Variants in FRMPD3 observed in about 807,000 individuals in gnomAD.
FRMPD3 encodes FERM and PDZ domain containing 3, also known as FERM and PDZ domain-containing protein 3.
Under a neutral mutation model 97.9 loss-of-function variants are expected in FRMPD3, and 42 were observed. The observed-to-expected ratio is 0.43, with a 90% CI of 0.34 to 0.55. The LOEUF is 0.55. FRMPD3 is among the 20% of genes least tolerant of loss of function. The pLI is 0.03. For missense variants in FRMPD3, 1,303 were observed against 1,457.7 expected, an observed-to-expected ratio of 0.89 and a Z score of 1.73; for synonymous variants, 577 against 581.1, an observed-to-expected ratio of 0.99 and a Z score of 0.10.
chrX:107,472,517 C>T, intron 1 of FRMPD3, among the ~76,000 whole-genome samples: 1 of 101,194 alleles, frequency 9.9e-6, no homozygotes, highest in South Asian at 4.6e-4. Context: ...TTGGAGGCTC[C>T]CATAAAAAAA....
chrX:107,526,884 T>C, intron 2 of FRMPD3, 148 bp downstream of exon 2: 1 of 582,237 alleles, frequency 1.7e-6, no homozygotes, highest in Non-Finnish European at 2.6e-6. Flanking sequence ...CCAATAACTG[T>C]GTGAGGGAGC....
intron 4 of FRMPD3, among the ~76,000 whole-genome samples, chrX:107,538,061 CG>C (rs1569418517): frequency 9.0e-6 from 1 of 111,471 alleles, no homozygotes; most frequent in African/African-American, 3.3e-5. Flanking sequence ...GCCAGTTGGA[CG>C]GGGTTTGAAT....
intron 1 of FRMPD3, among the ~76,000 whole-genome samples, chrX:107,498,003 C>G (rs959903307): frequency 1.2e-4 from 13 of 111,570 alleles, no homozygotes; most frequent in African/African-American, 2.9e-4. Context: ...TACCTGGCTC[C>G]CCTAGCATAC....
At chrX:107,506,872 G>C (rs1367768408) in intron 1 of FRMPD3, among the ~76,000 whole-genome samples, 1 of 112,000 alleles carries the variant, frequency 8.9e-6, no homozygotes, top group Admixed American at 9.3e-5. Flanking sequence ...GGTTTCTAAG[G>C]TGTCTTCCTA....
intron 1 of FRMPD3, among the ~76,000 whole-genome samples, chrX:107,494,964 G>A (rs1178695360): frequency 1.8e-5 from 2 of 112,191 alleles, no homozygotes; most frequent in Non-Finnish European, 3.8e-5. Context: ...ATGCACATTT[G>A]CCTCATAATT....
chrX:107,473,136 A>G (rs1257386218), intron 1 of FRMPD3, among the ~76,000 whole-genome samples: 3 of 112,568 alleles, frequency 2.7e-5, no homozygotes, highest in Non-Finnish European at 3.8e-5. Flanking sequence ...ATACTGGCTC[A>G]GAGAGGTGTA....
intron 12 of FRMPD3, among the ~76,000 whole-genome samples, chrX:107,572,404 T>C (rs988521846): frequency 1.8e-5 from 2 of 111,761 alleles, no homozygotes; most frequent in Non-Finnish European, 3.8e-5. Context: ...TTGTATGCCA[T>C]TGTAAGGCAG....
At chrX:107,506,504 A>C (rs1328319603) in intron 1 of FRMPD3, among the ~76,000 whole-genome samples, 1 of 112,966 alleles carries the variant, frequency 8.9e-6, no homozygotes, top group African/African-American at 3.2e-5. Flanking sequence ...CTGAGCCTCA[A>C]TTTTATTTTC....
At chrX:107,554,534 G>A (rs1921997325) in intron 8 of FRMPD3, 30 bp downstream of exon 8, 1 of 1,190,822 alleles carries the variant, frequency 8.4e-7, no homozygotes, top group Admixed American at 2.3e-5. Flanking sequence ...TACACAGACA[G>A]ACCAGTGGAC....
chrX:107,547,032 T>C (rs1261185737), intron 5 of FRMPD3, among the ~76,000 whole-genome samples: 1 of 111,553 alleles, frequency 9.0e-6, no homozygotes, highest in Non-Finnish European at 1.9e-5. Flanking sequence ...AGGACCCCAC[T>C]GGGCAAGCTG....
Position 107,497,319 on chromosome X carries a change from A to G in FRMPD3, c.-7-29263A>G, listed in dbSNP as rs1254993458. 8.8e-5 allele frequency among the ~76,000 whole-genome samples: 10 copies of G among 113,148 alleles called. No homozygotes were observed. In the Admixed American group the frequency reaches 9.3e-4, roughly 10 times the overall value. On this transcript the variant is annotated intron_variant, in intron 1 of 14. Transcript: ENST00000683843. ...GCTTCTTCCTGACCTTCAGGTGGAAAACCCAAATTCTTGTCCAAGTAAGGA... is the reference window on the plus strand; with the variant it reads ...GCTTCTTCCTGACCTTCAGGTGGAAGACCCAAATTCTTGTCCAAGTAAGGA...
intron 1 of FRMPD3, among the ~76,000 whole-genome samples, chrX:107,480,562 G>T (rs922153254): frequency 9.1e-6 from 1 of 110,242 alleles, no homozygotes; most frequent in African/African-American, 3.3e-5. Flanking sequence ...GGGTGCAGTG[G>T]CTCACTCCTA....
chrX:107,560,982 C>T (rs915393568), intron 10 of FRMPD3, 129 bp downstream of exon 10: 21 of 732,182 alleles, frequency 2.9e-5, no homozygotes, highest in Middle Eastern at 4.2e-4. Context: ...GGTGCACATA[C>T]GGCTTGGCCA....
intron 13 of FRMPD3, among the ~76,000 whole-genome samples, chrX:107,592,922 G>T (rs1168388437): frequency 9.2e-6 from 1 of 108,430 alleles, no homozygotes; most frequent in Non-Finnish European, 1.9e-5. Flanking sequence ...GGGATTACGG[G>T]CATGCACCAC....
intron 1 of FRMPD3, among the ~76,000 whole-genome samples, chrX:107,497,284 CAA>C (rs759213869): frequency 1.8e-5 from 2 of 113,189 alleles, no homozygotes; most frequent in Non-Finnish European, 3.7e-5. Context: ...CAGTATGCCA[CAA>C]AGAGGCTGCT....
chrX:107,461,414 C>G (rs1030219859), intron 1 of FRMPD3, among the ~76,000 whole-genome samples: 1 of 110,875 alleles, frequency 9.0e-6, no homozygotes, highest in African/African-American at 3.3e-5. Context: ...CCTCCCCACT[C>G]CAGTCAGTCA....
intron 1 of FRMPD3, among the ~76,000 whole-genome samples, chrX:107,457,384 T>C (rs1931394127): frequency 9.0e-6 from 1 of 111,699 alleles, no homozygotes; most frequent in Non-Finnish European, 1.9e-5. Flanking sequence ...AGAGGGAGGA[T>C]AGTATATACA....
intron 1 of FRMPD3, among the ~76,000 whole-genome samples, chrX:107,497,322 C>G (rs1191211222): frequency 8.8e-6 from 1 of 113,053 alleles, no homozygotes; most frequent in African/African-American, 3.2e-5. Flanking sequence ...GGTGGAAAAC[C>G]CAAATTCTTG....
chrX:107,456,399 C>A (rs1019990092), intron 1 of FRMPD3, among the ~76,000 whole-genome samples: 1 of 111,281 alleles, frequency 9.0e-6, no homozygotes, highest in Non-Finnish European at 1.9e-5. Flanking sequence ...GTATAGTAAC[C>A]CCCACATACT....
Sources: allele counts gnomAD v4.1 joint callset (sites outside exome capture counted in the v4.1 genomes callset), GRCh38; gene constraint gnomAD v4.1.1; transcripts MANE v1.5; gene names NCBI Gene and HGNC (gene_info 2026-07-23, HGNC 2026-07-21).